Variants in ELOVL5 observed in about 807,000 individuals in gnomAD.
ELOVL5 encodes the protein ELOVL fatty acid elongase 5, also known as very long chain fatty acid elongase 5.
In ELOVL5, 8 loss-of-function variants were observed where a neutral mutation model predicts 38.6. That is an observed-to-expected ratio of 0.21 (90% CI 0.12 to 0.37). The LOEUF is 0.37. Ranked by LOEUF, ELOVL5 falls within the 10% of genes least tolerant of loss-of-function variation. The pLI, the probability that ELOVL5 is intolerant of heterozygous loss-of-function variation, is 1.00. For missense variants in ELOVL5, 280 were observed against 367.8 expected, an observed-to-expected ratio of 0.76 and a Z score of 1.95; for synonymous variants, 127 against 133.7, an observed-to-expected ratio of 0.95 and a Z score of 0.34.
chr6:53,323,103 G>A (rs1768363450), intron 1 of ELOVL5, among the ~76,000 whole-genome samples: 1 of 152,162 alleles, frequency 6.6e-6, no homozygotes, highest in Non-Finnish European at 1.5e-5. Flanking sequence ...AACCCTGAAT[G>A]TTGGCTCCAC....
chr6:53,294,495 GA>G, intron 2 of ELOVL5: 3 of 1,545,586 alleles, frequency 1.9e-6, no homozygotes, highest in Non-Finnish European at 2.6e-6. Flanking sequence ...CTGATACCTG[GA>G]AGTGGCAAAG....
At chr6:53,304,813 C>T (rs1008600348) in intron 1 of ELOVL5, among the ~76,000 whole-genome samples, 1 of 147,720 alleles carries the variant, frequency 6.8e-6, no homozygotes, top group Non-Finnish European at 1.5e-5. Context: ...TGAAAAATCT[C>T]CCATGTCTAC....
chr6:53,324,859 G>A (rs1307087017), intron 1 of ELOVL5, among the ~76,000 whole-genome samples: 1 of 151,974 alleles, frequency 6.6e-6, no homozygotes, highest in Non-Finnish European at 1.5e-5. Context: ...AAAAGAATTA[G>A]CTTGAGGTTT....
At chr6:53,343,568 A>G (rs1262567512) in intron 1 of ELOVL5, among the ~76,000 whole-genome samples, 1 of 152,174 alleles carries the variant, frequency 6.6e-6, no homozygotes, top group East Asian at 1.9e-4. Context: ...ATCCCTGGCC[A>G]AACAGAAACA....
chr6:53,345,557 T>C (rs209521), intron 1 of ELOVL5, among the ~76,000 whole-genome samples: 77,588 of 86,284 alleles, frequency 0.9, 35,256 homozygotes, highest in African/African-American at 0.98. Flanking sequence ...TGTAATTCAT[T>C]TTTGTATCCA....
At position 53,348,903 on chromosome 6, in the gene ELOVL5, G is replaced by A. The variant is rs1480878876; in HGVS notation, c.-95C>T. ...CGCGGGTGGCAGCCGGCGCAGAGGC[G>A]GATGTAGAAGGAGACACCGGTGGCT... On this transcript the variant is annotated 5_prime_UTR_variant, in exon 1 of 8. Coordinates refer to ENST00000304434, the MANE Select transcript of ELOVL5 (RefSeq NM_021814.5). The A allele has an allele frequency of 2.2e-6, 1 of 451,716 alleles. No individual in the cohort carries two copies. The highest frequency in any genetic ancestry group is 1.5e-5 in the South Asian group (1 of 64,580). 28.0% of individuals were successfully genotyped at this position (451,716 alleles called of 1,614,324 possible).
At chr6:53,348,460 T>A (rs1019183670) in intron 1 of ELOVL5, among the ~76,000 whole-genome samples, 1 of 151,938 alleles carries the variant, frequency 6.6e-6, no homozygotes, top group African/African-American at 2.4e-5. Flanking sequence ...GACAGATCCA[T>A]CCCTCCGCGT....
intron 1 of ELOVL5, among the ~76,000 whole-genome samples, chr6:53,311,591 C>T (rs1237257809): frequency 6.6e-6 from 1 of 152,112 alleles, no homozygotes; most frequent in African/African-American, 2.4e-5. Flanking sequence ...AAAAGTCGAT[C>T]AACTGATTAA....
At chr6:53,327,204 C>T (rs1212477976) in intron 1 of ELOVL5, among the ~76,000 whole-genome samples, 1 of 152,124 alleles carries the variant, frequency 6.6e-6, no homozygotes, top group Non-Finnish European at 1.5e-5. Context: ...CCCCACCCTC[C>T]TTACTCAGGC....
At chr6:53,334,169 A>T (rs1768937826) in intron 1 of ELOVL5, among the ~76,000 whole-genome samples, 1 of 152,208 alleles carries the variant, frequency 6.6e-6, no homozygotes, top group Admixed American at 6.5e-5. Flanking sequence ...TTTTAAAAAC[A>T]GAATTTAACA....
chr6:53,273,121 A>G, intron 6 of ELOVL5, 99 bp downstream of exon 6: 1 of 1,270,714 alleles, frequency 7.9e-7, no homozygotes, highest in Non-Finnish European at 1.1e-6. Flanking sequence ...AAAAGGGTGG[A>G]GAAGGGGCAT....
At chr6:53,270,516 G>T in intron 7 of ELOVL5, 77 bp downstream of exon 7, 1 of 1,509,168 alleles carries the variant, frequency 6.6e-7, no homozygotes, top group Non-Finnish European at 9.1e-7. Context: ...GGCTCCACAT[G>T]CCCATTAAGT....
At chr6:53,271,066 C>T (rs1393047000) in intron 6 of ELOVL5, among the ~76,000 whole-genome samples, 1 of 152,194 alleles carries the variant, frequency 6.6e-6, no homozygotes, top group Non-Finnish European at 1.5e-5. Flanking sequence ...GATAACATCA[C>T]TGCAGGATGT....
At chr6:53,282,246 A>G (rs549410605) in intron 3 of ELOVL5, among the ~76,000 whole-genome samples, 1 of 152,242 alleles carries the variant, frequency 6.6e-6, no homozygotes, top group Admixed American at 6.5e-5. Context: ...TGTCATTTAA[A>G]GGAAGGTCTC....
Position 53,268,179 on chromosome 6 carries a change from C to G in ELOVL5, c.*948G>C, listed in dbSNP as rs1342947295. On this transcript the variant is annotated 3_prime_UTR_variant, in exon 8 of 8. Transcript: ENST00000304434. ...TGCATAAATCAATCCAAATTTAGAC[C>G]CTGGCAACCAGTTCCCCATTGCTCA... is the stretch of plus-strand genomic sequence containing the variant. The G allele has an allele frequency of 1.3e-5, 2 of 152,026 alleles. No individual in the cohort carries two copies. Among genetic ancestry groups the G allele is most frequent in the Admixed American group, 1.3e-4 (2 of 15,260 alleles). 9.4% of individuals were successfully genotyped at this position (152,026 alleles called of 1,614,324 possible).
intron 2 of ELOVL5, among the ~76,000 whole-genome samples, chr6:53,292,377 G>A (rs746252519): frequency 1.3e-5 from 2 of 152,228 alleles, no homozygotes; most frequent in Non-Finnish European, 2.9e-5. Context: ...GGCAAGTGTG[G>A]CCAGCACATG....
At chr6:53,300,346 C>T (rs1397846732) in intron 1 of ELOVL5, among the ~76,000 whole-genome samples, 1 of 152,148 alleles carries the variant, frequency 6.6e-6, no homozygotes, top group African/African-American at 2.4e-5. Context: ...CGAGTGCCTA[C>T]CACATGCTAG....
chr6:53,305,392 C>G (rs1294080705), intron 1 of ELOVL5, among the ~76,000 whole-genome samples: 2 of 148,958 alleles, frequency 1.3e-5, no homozygotes, highest in African/African-American at 5.0e-5. Flanking sequence ...CCCCCCCCAC[C>G]TCCCTCCCGG....
chr6:53,291,821 C>T lies in ELOVL5; in HGVS notation c.201G>A (p.Val67=), dbSNP rs771995470. The change falls in exon 3 of 8, where the codon GTG becomes GTA. Residue 67 remains valine, a synonymous_variant. Transcript: ENST00000304434. The part of the protein sequence containing the change: ...QPFSCRGILV[V]YNLGLTLLSL... ...ACAGCAGTGTGAGTCCAAGGTTATA[C>T]ACCACTAAAATCCCCCGGCAAGAGA... 7.4e-6 allele frequency: 12 copies of T among 1,613,978 alleles called. No homozygotes were observed. Among genetic ancestry groups the T allele is most frequent in the Non-Finnish European group, 1.0e-5 (12 of 1,179,962 alleles).
Sources: gnomAD v4.1 joint callset for allele counts (sites outside exome capture counted in the v4.1 genomes callset) on GRCh38, gnomAD v4.1.1 for gene constraint, MANE v1.5 for transcripts, NCBI Gene and HGNC (gene_info 2026-07-23, HGNC 2026-07-21) for gene names.